The following STIMATE variants were observed in gnomAD, a reference collection of about 807,000 sequenced individuals.
The protein encoded by STIMATE is store-operated calcium entry regulator STIMATE.
A neutral mutation model predicts 36.7 loss-of-function variants in STIMATE; 15 were observed. The ratio of observed to expected loss-of-function variants is 0.41; its 90% CI spans 0.27 to 0.63. The LOEUF (loss-of-function observed/expected upper bound fraction) is 0.63, where lower values mean the gene tolerates loss of function less well. Ranked by LOEUF, STIMATE falls within the 20% of genes least tolerant of loss-of-function variation. STIMATE has a pLI of 0.32. For synonymous variants in STIMATE, 163 were observed against 162.3 expected (o/e 1.00, Z -0.03); for missense variants, 305 against 397.3 (o/e 0.77, Z 1.98).
rs966620177 is a variant in STIMATE, at chr3:52,836,932, A to G, written c.*3562T>C. On this transcript the variant is annotated 3_prime_UTR_variant, in exon 8 of 8. Coordinates refer to ENST00000355083, the MANE Select transcript of STIMATE (RefSeq NM_198563.5). ...GGTCTGACTTCTAACAAACTTCAGG[A>G]AAAGAAAAATCAAATTTAAAACAAC... is the stretch of plus-strand genomic sequence containing the variant. 1.1e-5 allele frequency: 2 copies of G among 179,888 alleles called. No homozygotes were observed. The highest frequency in any genetic ancestry group is 4.7e-5 in the African/African-American group (2 of 42,412). 11.1% of individuals were successfully genotyped at this position (179,888 alleles called of 1,614,324 possible). A position where few individuals can be genotyped will look rare whatever the true frequency, so the allele number is the denominator to read the frequency against.
intron 1 of STIMATE, among the ~76,000 whole-genome samples, chr3:52,857,871 G>C (rs1701136922): frequency 6.6e-6 from 1 of 152,066 alleles, no homozygotes; most frequent in Admixed American, 6.6e-5. Flanking sequence ...ACCTCAGAGC[G>C]AGACTATTTG....
At chr3:52,871,092 G>A (rs1278094895) in intron 1 of STIMATE, among the ~76,000 whole-genome samples, 2 of 152,030 alleles carry the variant, frequency 1.3e-5, no homozygotes, top group Non-Finnish European at 2.9e-5. Context: ...ATTCAATCAA[G>A]TACCGCCACC....
intron 1 of STIMATE, among the ~76,000 whole-genome samples, chr3:52,856,881 A>C (rs1380360234): frequency 2.0e-5 from 3 of 152,226 alleles, no homozygotes; most frequent in Non-Finnish European, 4.4e-5. Flanking sequence ...TCCTCCACTG[A>C]GGTGCTAGGC....
chr3:52,897,323 A>G lies in STIMATE; in HGVS notation c.128T>C (p.Leu43Pro). Residue 43 changes from leucine to proline, a missense_variant, in exon 1 of 8, where the codon CTG becomes CCG. Physicochemically the swap from Leu to Pro is moderately conservative, Grantham distance 98. Transcript: ENST00000355083. The stretch of plus-strand genomic sequence containing the variant: ...CGTGCTGAAGGCCACGACGCCGAGC[A>G]GCCCCTGCAGGAAGATGCCGAAGCT... ...MHSFGIFLQG[L>P]LGVVAFSTLM... 1 of 1,552,898 alleles carries G rather than the reference A, an allele frequency of 6.4e-7. No homozygotes were observed. Among genetic ancestry groups the G allele is most frequent in the Non-Finnish European group, 8.6e-7 (1 of 1,157,102 alleles).
chr3:52,848,407 A>C (rs1379712708), intron 4 of STIMATE: 4 of 152,272 alleles, frequency 2.6e-5, no homozygotes, highest in Admixed American at 2.6e-4. Flanking sequence ...GTGAGGGAAC[A>C]GCTGGTAGCG....
intron 1 of STIMATE, among the ~76,000 whole-genome samples, chr3:52,878,824 C>T (rs1214806809): frequency 6.6e-6 from 1 of 152,150 alleles, no homozygotes; most frequent in Non-Finnish European, 1.5e-5. Context: ...CATATCTAAC[C>T]TTCTCAACAG....
intron 1 of STIMATE, among the ~76,000 whole-genome samples, chr3:52,875,861 C>T (rs9839035): frequency 0.24 from 37,052 of 152,170 alleles, 4,821 homozygotes; most frequent in Admixed American, 0.37. Context: ...ACTCAGCCGG[C>T]CCCCTCCCTC....
At chr3:52,844,149 GAC>G (rs1413344199) in intron 5 of STIMATE, among the ~76,000 whole-genome samples, 2 of 152,138 alleles carry the variant, frequency 1.3e-5, no homozygotes, top group Non-Finnish European at 1.5e-5. Context: ...GCTCATTATA[GAC>G]ACCAGCAATG....
rs1156381632 is a variant in STIMATE, at chr3:52,837,980, GTACA to G, written c.*2510_*2513del. 1 of 26,922 alleles carries G rather than the reference GTACA, an allele frequency of 3.7e-5. No homozygotes were observed. The allele number at this position is 26,922 out of a possible 1,614,324, so 1.7% of individuals were successfully genotyped here. On this transcript the variant is annotated 3_prime_UTR_variant, in exon 8 of 8. Coordinates refer to ENST00000355083, the MANE Select transcript of STIMATE (RefSeq NM_198563.5). ...CTCCTGGGGATACAGATTTGTGTGT[GTACA>G]TGTGTGTGCACGTGCACGTGCACAC...
chr3:52,892,304 T>A (rs1701796141), intron 1 of STIMATE, among the ~76,000 whole-genome samples: 1 of 152,202 alleles, frequency 6.6e-6, no homozygotes, highest in Non-Finnish European at 1.5e-5. Flanking sequence ...CCTGATTTTA[T>A]TCGAAATTAA....
At chr3:52,865,718 GAC>G (rs1430704223) in intron 1 of STIMATE, among the ~76,000 whole-genome samples, 5 of 152,164 alleles carry the variant, frequency 3.3e-5, no homozygotes, top group Admixed American at 2.6e-4. Flanking sequence ...TTTGGGTGGG[GAC>G]ACAGAGCCAA....
chr3:52,851,052 C>A (rs772165480), intron 3 of STIMATE, among the ~76,000 whole-genome samples: 3 of 152,244 alleles, frequency 2.0e-5, no homozygotes, highest in Non-Finnish European at 4.4e-5. Context: ...GCGAGCTTTA[C>A]TCCCCATGGG....
rs1700767254 is a variant in STIMATE, at chr3:52,839,916, A to T, written c.*578T>A. On this transcript the variant is annotated 3_prime_UTR_variant, in exon 8 of 8. Transcript: ENST00000355083. ...CTTAAAAATCTCTGTTTTGCCCATT[A>T]GTCCCGTAAGTACTTTGTAGGAAAT... is the stretch of plus-strand genomic sequence containing the variant. The T allele has an allele frequency of 6.5e-6, 1 of 152,684 alleles. No homozygotes were observed. Among genetic ancestry groups the T allele is most frequent in the Non-Finnish European group, 1.5e-5 (1 of 68,046 alleles). The allele number at this position is 152,684 out of a possible 1,614,324, so 9.5% of individuals were successfully genotyped here. A position where few individuals can be genotyped will look rare whatever the true frequency, so the allele number is the denominator to read the frequency against.
intron 7 of STIMATE, among the ~76,000 whole-genome samples, chr3:52,842,180 C>T (rs1017342414): frequency 5.6e-4 from 86 of 152,358 alleles, no homozygotes; most frequent in African/African-American, 2.0e-3. Flanking sequence ...CACCTGCACA[C>T]TTCCTAGGCC....
chr3:52,883,312 T>G (rs1701639919), intron 1 of STIMATE, among the ~76,000 whole-genome samples: 1 of 152,210 alleles, frequency 6.6e-6, no homozygotes, highest in South Asian at 2.1e-4. Context: ...TCCAAATTAG[T>G]TCTTATGTTG....
At chr3:52,878,112 A>G (rs1158014550) in intron 1 of STIMATE, among the ~76,000 whole-genome samples, 1 of 151,616 alleles carries the variant, frequency 6.6e-6, no homozygotes, top group Admixed American at 6.6e-5. Flanking sequence ...AAAAAAAAAA[A>G]GACAGGTAAT....
intron 2 of STIMATE, among the ~76,000 whole-genome samples, 182 bp from the exon 3 acceptor site, chr3:52,852,880 A>G (rs949750876): frequency 6.6e-6 from 1 of 152,220 alleles, no homozygotes; most frequent in Non-Finnish European, 1.5e-5. Context: ...AAAGCCTTCA[A>G]TAACACTGCC....
intron 1 of STIMATE, among the ~76,000 whole-genome samples, chr3:52,868,320 G>A (rs1388783147): frequency 6.6e-6 from 1 of 152,184 alleles, no homozygotes; most frequent in Non-Finnish European, 1.5e-5. Flanking sequence ...TGCTGGTGTG[G>A]CCATGTGACT....
intron 1 of STIMATE, among the ~76,000 whole-genome samples, chr3:52,887,994 G>GTCTTTTTTTTTTTTTTTTTTT (rs1701717262): frequency 1.9e-5 from 1 of 52,694 alleles, no homozygotes; most frequent in African/African-American, 7.0e-5. Context: ...AACAGAATCA[G>GTCTTTTTTTTTTTTTTTTTTT]TTTTTTTTTT....
Sources: gnomAD v4.1 joint callset for allele counts (sites outside exome capture counted in the v4.1 genomes callset) on GRCh38, gnomAD v4.1.1 for gene constraint, MANE v1.5 for transcripts, NCBI Gene and HGNC (gene_info 2026-07-23, HGNC 2026-07-21) for gene names.